Variants in SLC36A2 observed in about 807,000 individuals in gnomAD.
SLC36A2 encodes the protein solute carrier family 36 member 2.
A neutral mutation model predicts 42.7 loss-of-function variants in SLC36A2; 39 were observed. The ratio of observed to expected loss-of-function variants is 0.91; its 90% CI spans 0.71 to 1.19. SLC36A2 has a LOEUF of 1.19. Among genes scored for constraint, SLC36A2 ranks in the 50% most tolerant of loss-of-function variants. The pLI is 0.00. For missense variants in SLC36A2, 590 were observed against 613.7 expected (o/e 0.96, Z 0.41); for synonymous variants, 237 against 240.8 (o/e 0.98, Z 0.15).
chr5:151,317,296 AC>A (rs1488339983), intron 9 of SLC36A2, among the ~76,000 whole-genome samples: 1 of 152,072 alleles, frequency 6.6e-6, no homozygotes, highest in East Asian at 1.9e-4. Flanking sequence ...TACTAAAAAT[AC>A]AAAAATCAGC....
intron 7 of SLC36A2, among the ~76,000 whole-genome samples, chr5:151,329,340 C>G (rs561354942): frequency 2.6e-5 from 4 of 152,008 alleles, no homozygotes; most frequent in Non-Finnish European, 5.9e-5. Flanking sequence ...TTTGCTAAAA[C>G]CAAAAATCAG....
At chr5:151,317,687 C>T (rs1755543436) in intron 9 of SLC36A2, among the ~76,000 whole-genome samples, 2 of 152,132 alleles carry the variant, frequency 1.3e-5, no homozygotes, top group Admixed American at 6.5e-5. Context: ...AGTGAGACCC[C>T]ATCTCAAAAC....
chr5:151,345,993 G>T (rs1281007576), intron 1 of SLC36A2, among the ~76,000 whole-genome samples: 2 of 152,220 alleles, frequency 1.3e-5, no homozygotes, highest in Admixed American at 6.5e-5. Flanking sequence ...AAGCAGCTAA[G>T]TGGGAATTCG....
At chr5:151,317,545 A>G (rs1189920280) in intron 9 of SLC36A2, among the ~76,000 whole-genome samples, 1 of 151,876 alleles carries the variant, frequency 6.6e-6, no homozygotes, top group Non-Finnish European at 1.5e-5. Context: ...GTCCTCCAAT[A>G]TCCCTAATCA....
Position 151,333,315 on chromosome 5 carries a change from G to A in SLC36A2, c.752C>T (p.Pro251Leu). ...TACCAGTGGCAACCGGCTGGGGTCT[G>A]GGATTTCCTAAAGAAGAAAGAAATG... is the stretch of plus-strand genomic sequence containing the variant. Reference protein sequence around the residue: ...IIIQYITQEIPDPSRLPLVAS... With the variant: ...IIIQYITQEILDPSRLPLVAS... The change falls in exon 7 of 10, where the codon CCA becomes CTA. Residue 251 changes from proline (P) to leucine (L), a missense_variant. Physicochemically the swap from Pro to Leu is moderately conservative, Grantham distance 98. Transcript: ENST00000335244. 2 of 1,613,858 alleles carry A rather than the reference G, an allele frequency of 1.2e-6. No homozygotes were observed. The highest frequency in any genetic ancestry group is 1.7e-6 in the Non-Finnish European group (2 of 1,179,810).
rs74403861 is a variant in SLC36A2, at chr5:151,325,414, G to A, written c.882C>T (p.His294=). 4.2e-4 allele frequency: 672 copies of A among 1,614,234 alleles called. 3 individuals carry two copies. In the East Asian group the frequency reaches 0.014, roughly 33 times the overall value. The change falls in exon 8 of 10, where the codon CAC becomes CAT. Residue 294 remains histidine (H), a synonymous_variant. Transcript: ENST00000335244. The part of the protein sequence containing the change: ...PLENKMKNAR[H]FPAILSLGMS... ...TTCCCAAAGACAGGATGGCTGGGAA[G>A]TGGCGGGCATTCTTCATCTTGTTTT...
At chr5:151,343,019 T>C (rs1196235113) in intron 3 of SLC36A2, 36 bp from the exon 4 acceptor site, 5 of 1,539,208 alleles carry the variant, frequency 3.2e-6, no homozygotes, top group African/African-American at 1.4e-5. Context: ...TTCCAAGAGA[T>C]AGTTTAGCCT....
rs1398456328 is a variant in SLC36A2, at chr5:151,328,603, G to A, written c.844-3151C>T. ...CCTAGTCACTAAGCAGCATTCTGGT[G>A]TATCAGTGGCTGTAGTGGTCACACA... On this transcript the variant is annotated intron_variant, in intron 7 of 9. Coordinates refer to ENST00000335244, the MANE Select transcript of SLC36A2 (RefSeq NM_181776.3). Among the ~76,000 whole-genome samples, 3 of 152,308 alleles carry A rather than the reference G, an allele frequency of 2.0e-5. No homozygotes were observed. In the East Asian group the frequency reaches 5.8e-4, roughly 29 times the overall value.
chr5:151,321,269 A>G (rs1317005117), intron 9 of SLC36A2, among the ~76,000 whole-genome samples: 1 of 151,434 alleles, frequency 6.6e-6, no homozygotes, highest in Non-Finnish European at 1.5e-5. Flanking sequence ...GGCTCAAGCA[A>G]TCTTCCCACC....
intron 6 of SLC36A2, among the ~76,000 whole-genome samples, chr5:151,334,015 CAT>C (rs899993544): frequency 8.5e-5 from 13 of 152,158 alleles, no homozygotes; most frequent in Admixed American, 2.0e-4. Context: ...ATGAAAGATC[CAT>C]TTTTTTCTTT....
In SLC36A2 at chr5:151,316,868, G is replaced by T; in HGVS notation, c.1401C>A (p.Leu467=). The T allele has an allele frequency of 6.2e-7, 1 of 1,613,736 alleles. No homozygotes were observed. Among genetic ancestry groups the T allele is most frequent in the African/African-American group, 1.3e-5 (1 of 74,980 alleles). The change falls in exon 10 of 10, where the codon CTC becomes CTA. Residue 467 remains leucine, a synonymous_variant. Coordinates refer to ENST00000335244, the MANE Select transcript of SLC36A2 (RefSeq NM_181776.3). ...AAAAGGGGTGAGAGTCTTCTGACTT[G>T]AGCAGCTCGTCCAGGGCCTGGTAGG... The part of the protein sequence containing the change: ...VGTYQALDEL[L]KSEDSHPFSN...
chr5:151,318,094 C>T (rs1016792238), intron 9 of SLC36A2, among the ~76,000 whole-genome samples: 2 of 152,136 alleles, frequency 1.3e-5, no homozygotes, highest in Admixed American at 6.6e-5. Context: ...GGATTTATGG[C>T]AGCTATATTT....
Position 151,347,487 on chromosome 5 carries a change from G to GGT in SLC36A2, c.-29_-28dup. 1.2e-6 allele frequency: 2 copies of GGT among 1,612,664 alleles called. No individual in the cohort carries two copies. Among genetic ancestry groups the GGT allele is most frequent in the South Asian group, 2.2e-5 (2 of 91,016 alleles). On this transcript the variant is annotated 5_prime_UTR_variant, in exon 1 of 10. Coordinates refer to ENST00000335244, the MANE Select transcript of SLC36A2 (RefSeq NM_181776.3). The stretch of plus-strand genomic sequence containing the variant: ...ACTGCTTAAGAAACAAGGAGCTCGG[G>GGT]GTGACAAAGAGGTCTGCTCTGGAAG...
At chr5:151,329,696 CAG>C (rs1580851307) in intron 7 of SLC36A2, among the ~76,000 whole-genome samples, 2 of 151,956 alleles carry the variant, frequency 1.3e-5, no homozygotes, top group East Asian at 3.9e-4. Flanking sequence ...ATGTAGATAA[CAG>C]AAAACAAACT....
At chr5:151,317,120 A>G (rs1475815000) in intron 9 of SLC36A2, 32 bp from the exon 10 acceptor site, 3 of 1,610,802 alleles carry the variant, frequency 1.9e-6, no homozygotes, top group Non-Finnish European at 2.5e-6. Flanking sequence ...GAGATGGAGC[A>G]TTCCAGGCTT....
At position 151,315,629 on chromosome 5, in the gene SLC36A2, AAAAACAAAACAC is replaced by A. The variant is rs1755469909; in HGVS notation, c.*1176_*1187del. 6.6e-6 allele frequency: 1 copy of A among 152,316 alleles called. No individual in the cohort carries two copies. Among genetic ancestry groups the A allele is most frequent in the Non-Finnish European group, 1.5e-5 (1 of 68,106 alleles). The allele number at this position is 152,316 out of a possible 1,614,324, so 9.4% of individuals were successfully genotyped here. A position where few individuals can be genotyped will look rare whatever the true frequency, so the allele number is the denominator to read the frequency against. ...GCAACAGAGCGAGACTTCATCTCAA[AAAAACAAAACAC>A]AAAACAAAACCGACAAACAAGCAAA... On this transcript the variant is annotated 3_prime_UTR_variant, in exon 10 of 10. Transcript: ENST00000335244.
At chr5:151,324,537 G>T (rs925900675) in intron 8 of SLC36A2, among the ~76,000 whole-genome samples, 1 of 152,036 alleles carries the variant, frequency 6.6e-6, no homozygotes, top group African/African-American at 2.4e-5. Flanking sequence ...TTGCCATGTT[G>T]GCCAGGCTGG....
chr5:151,333,432 A>G, intron 6 of SLC36A2, 110 bp from the exon 7 acceptor site: 2 of 916,128 alleles, frequency 2.2e-6, no homozygotes, highest in Non-Finnish European at 3.5e-6. Flanking sequence ...TTGAATATCA[A>G]GAAGTTTAGA....
At chr5:151,336,700 C>CA (rs1207486024) in intron 5 of SLC36A2, among the ~76,000 whole-genome samples, 3 of 150,388 alleles carry the variant, frequency 2.0e-5, no homozygotes, top group Admixed American at 2.0e-4. Flanking sequence ...CCCACCCCCC[C>CA]ACACATTATG....
Sources: gnomAD v4.1 joint callset for allele counts (sites outside exome capture counted in the v4.1 genomes callset) on GRCh38, gnomAD v4.1.1 for gene constraint, MANE v1.5 for transcripts, NCBI Gene and HGNC (gene_info 2026-07-23, HGNC 2026-07-21) for gene names.